Variants in GPC5 observed in about 807,000 individuals in gnomAD.
GPC5 encodes the protein glypican-5.
GPC5 carries 47 observed loss-of-function variants against 53.9 expected under a neutral mutation model. The ratio of observed to expected loss-of-function variants is 0.87; its 90% CI spans 0.69 to 1.11. GPC5 has a LOEUF of 1.11. Ranked by LOEUF, GPC5 falls within the 50% of genes most tolerant of loss-of-function variation. GPC5 has a pLI of 0.00. For synonymous variants in GPC5, 286 were observed against 263.3 expected (o/e 1.09, Z -0.84); for missense variants, 748 against 713.1 (o/e 1.05, Z -0.56).
chr13:92,812,782 CA>C (rs1877341592), intron 7 of GPC5, among the ~76,000 whole-genome samples: 1 of 151,876 alleles, frequency 6.6e-6, no homozygotes, highest in African/African-American at 2.4e-5. Context: ...GATCAACATA[CA>C]AAACTCCATG....
intron 5 of GPC5, among the ~76,000 whole-genome samples, chr13:91,888,864 A>G (rs956541388): frequency 3.9e-5 from 6 of 152,278 alleles, no homozygotes; most frequent in African/African-American, 1.4e-4. Flanking sequence ...TTAAAATCCC[A>G]TTGTATGAAA....
chr13:91,944,040 C>T (rs2039952493), intron 6 of GPC5, among the ~76,000 whole-genome samples: 3 of 151,964 alleles, frequency 2.0e-5, no homozygotes, highest in Admixed American at 2.0e-4. Flanking sequence ...CTCAACTTCT[C>T]CTGAACTATT....
chr13:91,401,960 C>T (rs973545472), intron 1 of GPC5, among the ~76,000 whole-genome samples: 4 of 38,722 alleles, frequency 1.0e-4, no homozygotes, highest in Non-Finnish European at 2.3e-4. Context: ...GTCAAGGTGC[C>T]CTTTGCTCTT....
chr13:92,446,029 G>A (rs1877808042), intron 7 of GPC5, among the ~76,000 whole-genome samples: 2 of 152,002 alleles, frequency 1.3e-5, no homozygotes, highest in African/African-American at 2.4e-5. Flanking sequence ...GGCATGTAAT[G>A]TGTAATAATT....
chr13:91,480,008 G>A lies in GPC5; in HGVS notation c.325+31086G>A, dbSNP rs115088305. ...GTATAGTTTTTATGCTCTAATTACT[G>A]TTTAAATGGACACTGCACCCCTACT... On this transcript the variant is annotated intron_variant, in intron 2 of 7. Transcript: ENST00000377067. Among the ~76,000 whole-genome samples the A allele has an allele frequency of 9.4e-3, 1,429 of 152,234 alleles. 21 individuals are homozygous for A. The highest frequency in any genetic ancestry group is 0.03 in the African/African-American group (1,232 of 41,544).
At chr13:92,605,707 A>C (rs1467499053) in intron 7 of GPC5, among the ~76,000 whole-genome samples, 2 of 151,646 alleles carry the variant, frequency 1.3e-5, no homozygotes, top group Admixed American at 6.6e-5. Flanking sequence ...CTCCTGCCTC[A>C]GCCTCCCGAG....
chr13:91,411,091 G>C (rs1264576766), intron 1 of GPC5, among the ~76,000 whole-genome samples: 1 of 152,204 alleles, frequency 6.6e-6, no homozygotes, highest in African/African-American at 2.4e-5. Flanking sequence ...CCTGGCGTCA[G>C]AGCGAGACTC....
intron 6 of GPC5, among the ~76,000 whole-genome samples, chr13:92,072,672 C>T (rs945516627): frequency 6.7e-6 from 1 of 150,230 alleles, no homozygotes; most frequent in South Asian, 2.1e-4. Context: ...CTCCCATGCT[C>T]AAGTGGTTCT....
chr13:91,922,689 C>A (rs1040063600), intron 6 of GPC5, among the ~76,000 whole-genome samples: 3 of 152,132 alleles, frequency 2.0e-5, no homozygotes, highest in Non-Finnish European at 2.9e-5. Flanking sequence ...AAACAAAAAT[C>A]AAAGCATTGA....
Position 91,659,896 on chromosome 13 carries a change from G to A in GPC5, c.326-33291G>A, listed in dbSNP as rs576792945. Among the ~76,000 whole-genome samples, 8 of 152,258 alleles carry A rather than the reference G, an allele frequency of 5.3e-5. No homozygotes were observed. In the East Asian group the frequency reaches 1.3e-3, roughly 26 times the overall value. On this transcript the variant is annotated intron_variant, in intron 2 of 7. Transcript: ENST00000377067. Reference sequence around the variant, plus strand: ...AAATAGATGAAGACTACCTAAATCAGAACAAACAAAGCCTCTTTATTCAGA... The same window carrying A: ...AAATAGATGAAGACTACCTAAATCAAAACAAACAAAGCCTCTTTATTCAGA...
At chr13:91,859,606 AT>A (rs1366339744) in intron 5 of GPC5, among the ~76,000 whole-genome samples, 1 of 151,918 alleles carries the variant, frequency 6.6e-6, no homozygotes, top group Non-Finnish European at 1.5e-5. Flanking sequence ...ATTTAAATAT[AT>A]AGGTTCTGTA....
At chr13:92,391,946 C>G (rs938836771) in intron 7 of GPC5, among the ~76,000 whole-genome samples, 3 of 152,058 alleles carry the variant, frequency 2.0e-5, no homozygotes, top group Admixed American at 2.0e-4. Context: ...ATCTTATTAC[C>G]CCGGCTTTAA....
In GPC5 at chr13:92,737,876, C is replaced by T. The variant is rs150055909; in HGVS notation, c.1562-128406C>T. Among the ~76,000 whole-genome samples the T allele has an allele frequency of 2.4e-3, 347 of 143,968 alleles. 1 individual carries two copies. The highest frequency in any genetic ancestry group is 8.6e-3 in the African/African-American group (337 of 39,014). 94.4% of individuals were successfully genotyped at this position (143,968 alleles called of 152,430 possible). On this transcript the variant is annotated intron_variant, in intron 7 of 7. Transcript: ENST00000377067. The stretch of plus-strand genomic sequence containing the variant: ...CTACCTCCTGGGTTCAAGCAATTCT[C>T]CTGCCTCAGCCTGCTGTGTAGCTGG...
At chr13:92,497,045 T>C (rs1378022137) in intron 7 of GPC5, among the ~76,000 whole-genome samples, 1 of 152,196 alleles carries the variant, frequency 6.6e-6, no homozygotes, top group Non-Finnish European at 1.5e-5. Flanking sequence ...TTTCTCCCAT[T>C]CTGTAGGTTG....
At chr13:92,114,368 T>C (rs144016412) in intron 6 of GPC5, among the ~76,000 whole-genome samples, 68 of 152,302 alleles carry the variant, frequency 4.5e-4, no homozygotes, top group South Asian at 2.3e-3. Context: ...GACCTTCTTT[T>C]TCTTTCCCTG....
Position 92,828,957 on chromosome 13 carries a change from T to C in GPC5, c.1562-37325T>C, listed in dbSNP as rs369824165. Among the ~76,000 whole-genome samples the C allele has an allele frequency of 3.9e-5, 6 of 152,190 alleles. No individual in the cohort carries two copies. The East Asian group carries it at 7.7e-4, about 20-fold the overall frequency. ...TCGCCACCACGCAATACATCCATGTTACATCCATGTAACACAATTGCACTT... is the reference window on the plus strand; with the variant it reads ...TCGCCACCACGCAATACATCCATGTCACATCCATGTAACACAATTGCACTT... On this transcript the variant is annotated intron_variant, in intron 7 of 7. Coordinates refer to ENST00000377067, the MANE Select transcript of GPC5 (RefSeq NM_004466.6).
At chr13:92,475,112 T>A (rs1204510597) in intron 7 of GPC5, among the ~76,000 whole-genome samples, 2 of 152,082 alleles carry the variant, frequency 1.3e-5, no homozygotes, top group Non-Finnish European at 2.9e-5. Context: ...GCATTGAAAA[T>A]AAACAGTTGA....
intron 5 of GPC5, among the ~76,000 whole-genome samples, chr13:91,780,930 C>T (rs1459071102): frequency 6.6e-6 from 1 of 152,196 alleles, no homozygotes; most frequent in Non-Finnish European, 1.5e-5. Context: ...CTATAATCTA[C>T]TATTCCCACA....
chr13:92,785,092 A>C (rs538910457), intron 7 of GPC5, among the ~76,000 whole-genome samples: 3 of 152,112 alleles, frequency 2.0e-5, no homozygotes, highest in Non-Finnish European at 4.4e-5. Context: ...CCTGGCCAAC[A>C]TGATGAAACC....
Sources: gnomAD v4.1 joint callset for allele counts (sites outside exome capture counted in the v4.1 genomes callset) on GRCh38, gnomAD v4.1.1 for gene constraint, MANE v1.5 for transcripts, NCBI Gene and HGNC (gene_info 2026-07-23, HGNC 2026-07-21) for gene names.